The following SPECC1 variants were observed in gnomAD, a reference collection of about 807,000 sequenced individuals.
SPECC1 encodes the protein cytospin-B.
Under a neutral mutation model 104.1 loss-of-function variants are expected in SPECC1, and 62 were observed. The observed-to-expected ratio is 0.60, with a 90% CI of 0.49 to 0.74. The LOEUF (loss-of-function observed/expected upper bound fraction) is 0.74. Among genes scored for constraint, SPECC1 ranks in the 30% least tolerant of loss-of-function variants. The pLI is 0.00. For missense variants in SPECC1, 1,306 were observed against 1,310.5 expected (o/e 1.00, Z 0.05); for synonymous variants, 513 against 501.6 (o/e 1.02, Z -0.30).
At chr17:20,014,143 C>A (rs9915039) in intron 1 of SPECC1, among the ~76,000 whole-genome samples, 10,517 of 152,178 alleles carry the variant, frequency 0.069, 989 homozygotes, top group African/African-American at 0.21. Flanking sequence ...TGTCTTTTAC[C>A]TTTTAGTTAT....
chr17:20,017,864 C>T (rs2044209353), intron 1 of SPECC1: 1 of 152,158 alleles, frequency 6.6e-6, no homozygotes, highest in African/African-American at 2.4e-5. Context: ...TAGTAATTAT[C>T]TTTGCTTGGG....
intron 1 of SPECC1, among the ~76,000 whole-genome samples, chr17:20,046,194 CCTCAGCCT>C (rs775488584): frequency 2.0e-5 from 3 of 152,136 alleles, no homozygotes; most frequent in Non-Finnish European, 4.4e-5. Flanking sequence ...GATCCTTCCA[CCTCAGCCT>C]CCTGAGTAGC....
chr17:20,050,204 C>G (rs894102581), intron 1 of SPECC1, among the ~76,000 whole-genome samples: 10 of 152,052 alleles, frequency 6.6e-5, no homozygotes, highest in African/African-American at 2.2e-4. Flanking sequence ...GCACACGTAC[C>G]CTAGAACTTA....
intron 1 of SPECC1, among the ~76,000 whole-genome samples, chr17:20,062,440 A>G (rs904978267): frequency 5.3e-5 from 8 of 151,954 alleles, no homozygotes; most frequent in Non-Finnish European, 1.5e-5. Context: ...ACGGCTCACC[A>G]CAGCCTTGAA....
chr17:20,192,538 A>G (rs1258588574), intron 3 of SPECC1, among the ~76,000 whole-genome samples: 2 of 151,940 alleles, frequency 1.3e-5, no homozygotes, highest in African/African-American at 2.4e-5. Flanking sequence ...AATGTATTTC[A>G]TCTTTATTTC....
chr17:20,061,824 C>T lies in SPECC1; in HGVS notation c.-21-34807C>T, dbSNP rs187795769. 1.5e-4 allele frequency among the ~76,000 whole-genome samples: 23 copies of T among 152,212 alleles called. No individual in the cohort carries two copies. In the East Asian group the frequency reaches 4.1e-3, roughly 27 times the overall value. On this transcript the variant is annotated intron_variant, in intron 1 of 14. Transcript: ENST00000395527. ...CTGAAAGACAAGACAGCATTTTTGC[C>T]CTCTTGGAACTAATGCTTTGTATAT...
chr17:20,217,838 C>T (rs770098062), intron 4 of SPECC1, among the ~76,000 whole-genome samples: 5 of 151,996 alleles, frequency 3.3e-5, no homozygotes, highest in Admixed American at 6.5e-5. Flanking sequence ...CACTTAAGCC[C>T]GGGAGCCTGG....
At chr17:20,275,795 A>T (rs1023479954) in intron 12 of SPECC1, among the ~76,000 whole-genome samples, 3 of 152,256 alleles carry the variant, frequency 2.0e-5, no homozygotes, top group African/African-American at 7.2e-5. Flanking sequence ...CCTCAGTGGG[A>T]GCTCAAGTGT....
At chr17:20,226,324 A>G (rs549830829) in intron 4 of SPECC1, among the ~76,000 whole-genome samples, 2 of 152,340 alleles carry the variant, frequency 1.3e-5, no homozygotes, top group South Asian at 4.1e-4. Context: ...GAGCATAGTA[A>G]GCATAGTATT....
At chr17:20,234,826 A>G (rs1007768398) in intron 7 of SPECC1, among the ~76,000 whole-genome samples, 5 of 152,242 alleles carry the variant, frequency 3.3e-5, no homozygotes, top group South Asian at 2.1e-4. Context: ...CAGAAATGCA[A>G]ACCAGCATTC....
intron 3 of SPECC1, among the ~76,000 whole-genome samples, chr17:20,122,428 C>T (rs1055188260): frequency 1.2e-4 from 19 of 152,238 alleles, no homozygotes; most frequent in East Asian, 5.8e-4. Flanking sequence ...ACAGCAGCTG[C>T]GTCTGGATAT....
Position 20,190,448 on chromosome 17 carries a change from A to G in SPECC1, c.284-13885A>G, listed in dbSNP as rs1567919569. Among the ~76,000 whole-genome samples, 4 of 152,098 alleles carry G rather than the reference A, an allele frequency of 2.6e-5. No individual in the cohort carries two copies. The South Asian group carries it at 8.3e-4, about 32-fold the overall frequency. On this transcript the variant is annotated intron_variant, in intron 3 of 14. Coordinates refer to ENST00000395527, the MANE Select transcript of SPECC1 (RefSeq NM_001243439.2). ...ATTTCTTGTCCCTCTTCTCAAAGGT[A>G]AACACTTTATTATGCTTTTACTGCC...
In SPECC1 at chr17:20,033,977, C is replaced by G. The variant is rs939537748; in HGVS notation, c.-22+24553C>G. On this transcript the variant is annotated intron_variant, in intron 1 of 14. Coordinates refer to ENST00000395527, the MANE Select transcript of SPECC1 (RefSeq NM_001243439.2). ...CAAATTTAACAGCTGTTGAACTCCA[C>G]TAATTGTTAGCTGGTTGCTCTATTT... Among the ~76,000 whole-genome samples the G allele has an allele frequency of 4.6e-5, 7 of 152,192 alleles. 1 individual carries two copies. Among genetic ancestry groups the G allele is most frequent in the Admixed American group, 3.3e-4 (5 of 15,282 alleles).
chr17:20,222,939 T>A (rs753448165), intron 4 of SPECC1, among the ~76,000 whole-genome samples: 3 of 152,232 alleles, frequency 2.0e-5, no homozygotes, highest in Non-Finnish European at 4.4e-5. Flanking sequence ...AGTCTGCTCC[T>A]TTGTTTCTTT....
intron 3 of SPECC1, among the ~76,000 whole-genome samples, chr17:20,164,681 G>A (rs1310809745): frequency 2.0e-5 from 3 of 152,136 alleles, no homozygotes; most frequent in Non-Finnish European, 2.9e-5. Flanking sequence ...TGAGGATAAT[G>A]TTTTGCCCTT....
intron 4 of SPECC1, 32 bp from the exon 5 acceptor site, chr17:20,227,381 T>C: frequency 6.3e-7 from 1 of 1,593,678 alleles, no homozygotes; most frequent in Non-Finnish European, 8.5e-7. Context: ...TTTTTGTTGT[T>C]AACTGACCAA....
At chr17:20,191,364 C>G (rs900791508) in intron 3 of SPECC1, among the ~76,000 whole-genome samples, 1 of 152,180 alleles carries the variant, frequency 6.6e-6, no homozygotes, top group Non-Finnish European at 1.5e-5. Flanking sequence ...CCCGGTTGCT[C>G]CACATCCTCA....
intron 4 of SPECC1, among the ~76,000 whole-genome samples, chr17:20,221,479 T>C (rs968530580): frequency 2.0e-5 from 3 of 152,328 alleles, no homozygotes; most frequent in South Asian, 4.1e-4. Flanking sequence ...TAATGATCCT[T>C]TGAATTTCGG....
At chr17:20,022,840 G>C (rs1039153912) in intron 1 of SPECC1, among the ~76,000 whole-genome samples, 1 of 152,206 alleles carries the variant, frequency 6.6e-6, no homozygotes, top group Non-Finnish European at 1.5e-5. Context: ...GCTTGGACAT[G>C]GTTATGGAGT....
Sources: allele counts gnomAD v4.1 joint callset (sites outside exome capture counted in the v4.1 genomes callset), GRCh38; gene constraint gnomAD v4.1.1; transcripts MANE v1.5; gene names NCBI Gene and HGNC (gene_info 2026-07-23, HGNC 2026-07-21).